CSGALNACT1: variants seen among roughly 807,000 people sequenced by gnomAD.
CSGALNACT1 encodes the protein chondroitin sulfate N-acetylgalactosaminyltransferase 1.
Under a neutral mutation model 51.0 loss-of-function variants are expected in CSGALNACT1, and 52 were observed. The ratio of observed to expected loss-of-function variants is 1.02; its 90% CI spans 0.82 to 1.29. The LOEUF (loss-of-function observed/expected upper bound fraction) is 1.29. Among genes scored for constraint, CSGALNACT1 ranks in the 50% most tolerant of loss-of-function variants. The pLI is 0.00. For synonymous variants in CSGALNACT1, 341 were observed against 254.4 expected, an observed-to-expected ratio of 1.34 and a Z score of -3.24; for missense variants, 935 against 679.2, an observed-to-expected ratio of 1.38 and a Z score of -4.19.
chr8:19,693,065 C>T (rs559395894), intron 1 of CSGALNACT1, among the ~76,000 whole-genome samples: 1 of 152,302 alleles, frequency 6.6e-6, no homozygotes, highest in African/African-American at 2.4e-5. Flanking sequence ...CAGCCTTGTG[C>T]CTATGTGCCA....
intron 3 of CSGALNACT1, among the ~76,000 whole-genome samples, chr8:19,514,510 T>TATATATAC (rs1422248108): frequency 7.5e-5 from 10 of 133,034 alleles, no homozygotes; most frequent in African/African-American, 1.1e-4. Flanking sequence ...TATATATATA[T>TATATATAC]ACATGTATCT....
chr8:19,571,562 A>C (rs2043045731), intron 3 of CSGALNACT1, among the ~76,000 whole-genome samples: 2 of 150,922 alleles, frequency 1.3e-5, no homozygotes, highest in South Asian at 2.1e-4. Context: ...ATTTATACTA[A>C]AAAGGATCTA....
intron 9 of CSGALNACT1, among the ~76,000 whole-genome samples, chr8:19,406,829 C>T (rs1266304470): frequency 6.6e-6 from 1 of 152,078 alleles, no homozygotes; most frequent in Non-Finnish European, 1.5e-5. Context: ...CTGCCTCAGC[C>T]TCCCAAGTAG....
chr8:19,432,642 C>T (rs2059807129), intron 6 of CSGALNACT1, among the ~76,000 whole-genome samples: 1 of 152,012 alleles, frequency 6.6e-6, no homozygotes, highest in African/African-American at 2.4e-5. Context: ...GAGACTGAGT[C>T]ATTGCAGTTG....
intron 9 of CSGALNACT1, 45 bp downstream of exon 8, chr8:19,408,568 G>C (rs780654928): frequency 1.3e-6 from 2 of 1,524,730 alleles, no homozygotes; most frequent in Admixed American, 1.7e-5. Context: ...GGCCTACATG[G>C]GCCCGTGGCC....
At chr8:19,438,914 T>A (rs2060834300) in intron 6 of CSGALNACT1, among the ~76,000 whole-genome samples, 1 of 152,186 alleles carries the variant, frequency 6.6e-6, no homozygotes, top group South Asian at 2.1e-4. Context: ...TCGACTATCA[T>A]CCTATTACCA....
intron 1 of CSGALNACT1, among the ~76,000 whole-genome samples, chr8:19,648,832 C>T (rs1363805023): frequency 5.9e-5 from 9 of 152,084 alleles, no homozygotes; most frequent in Admixed American, 5.2e-4. Context: ...AGAATGTGAA[C>T]ACCTTAATGT....
intron 6 of CSGALNACT1, among the ~76,000 whole-genome samples, chr8:19,423,930 G>GT: frequency 6.6e-6 from 1 of 152,278 alleles, no homozygotes; most frequent in Middle Eastern, 3.4e-3. Flanking sequence ...TCCACGCACT[G>GT]TTTCCATGTG....
intron 5 of CSGALNACT1, among the ~76,000 whole-genome samples, chr8:19,452,753 C>T (rs1360741563): frequency 1.3e-5 from 2 of 152,092 alleles, no homozygotes; most frequent in East Asian, 1.9e-4. Flanking sequence ...AAGTATGATA[C>T]CTCTACCCCT....
intron 3 of CSGALNACT1, among the ~76,000 whole-genome samples, chr8:19,551,977 A>G (rs1243134315): frequency 3.3e-5 from 5 of 152,206 alleles, no homozygotes; most frequent in Admixed American, 1.3e-4. Context: ...AAAATAGGGT[A>G]TCATTCCTTT....
At chr8:19,682,379 CTTAA>C in intron 1 of CSGALNACT1, 1 of 322,222 alleles carries the variant, frequency 3.1e-6, no homozygotes, top group Non-Finnish European at 6.2e-6. Flanking sequence ...TAGGGCTCTT[CTTAA>C]TTAGAAACAA....
At chr8:19,678,050 T>C (rs943246301) in intron 1 of CSGALNACT1, among the ~76,000 whole-genome samples, 2 of 151,968 alleles carry the variant, frequency 1.3e-5, no homozygotes, top group East Asian at 3.9e-4. Context: ...GAAGCTGCAG[T>C]GAGCAGAATC....
Position 19,570,480 on chromosome 8 carries a change from C to T in CSGALNACT1, c.-297+20680G>A, listed in dbSNP as rs998652168. ...ACCTAAAAGGAGCCATAACCTAATC[C>T]GGACACAAACAGAGAGCAAGAGGTA... On this transcript the variant is annotated intron_variant, in intron 3 of 9. Coordinates refer to ENST00000454498, the Ensembl canonical transcript of CSGALNACT1. Among the ~76,000 whole-genome samples, 6 of 152,046 alleles carry T rather than the reference C, an allele frequency of 3.9e-5. No homozygotes were observed. In the East Asian group the frequency reaches 7.7e-4, roughly 20 times the overall value.
intron 1 of CSGALNACT1, among the ~76,000 whole-genome samples, chr8:19,699,786 T>G (rs1054007518): frequency 2.0e-5 from 3 of 152,084 alleles, no homozygotes; most frequent in Non-Finnish European, 4.4e-5. Flanking sequence ...CACTGTAAAT[T>G]TTATGTTCAG....
intron 1 of CSGALNACT1, among the ~76,000 whole-genome samples, chr8:19,748,789 T>A (rs942523660): frequency 5.3e-5 from 8 of 151,944 alleles, no homozygotes; most frequent in Non-Finnish European, 2.9e-5. Context: ...ACATGGTGAA[T>A]CCTCTACTCT....
intron 6 of CSGALNACT1, among the ~76,000 whole-genome samples, chr8:19,426,303 A>G (rs1278314240): frequency 1.1e-4 from 16 of 152,170 alleles, no homozygotes; most frequent in Non-Finnish European, 1.9e-4. Context: ...CCCACCTCCA[A>G]CATCAGAAAG....
At chr8:19,672,076 C>T (rs921781180) in intron 1 of CSGALNACT1, among the ~76,000 whole-genome samples, 1 of 152,186 alleles carries the variant, frequency 6.6e-6, no homozygotes, top group Admixed American at 6.5e-5. Flanking sequence ...TGTTAAGGCT[C>T]ATGATATACT....
At chr8:19,550,513 T>C (rs2087734387) in intron 3 of CSGALNACT1, among the ~76,000 whole-genome samples, 1 of 152,130 alleles carries the variant, frequency 6.6e-6, no homozygotes, top group African/African-American at 2.4e-5. Flanking sequence ...CAATTATAGG[T>C]TTTTGAAGTT....
At chr8:19,523,220 GGT>G (rs1484017166) in intron 3 of CSGALNACT1, among the ~76,000 whole-genome samples, 2 of 152,114 alleles carry the variant, frequency 1.3e-5, no homozygotes, top group African/African-American at 2.4e-5. Context: ...CTATAGGAAA[GGT>G]GGCATGTAAG....
Sources: allele counts gnomAD v4.1 joint callset (sites outside exome capture counted in the v4.1 genomes callset), GRCh38; gene constraint gnomAD v4.1.1; transcripts MANE v1.5; gene names NCBI Gene and HGNC (gene_info 2026-07-23, HGNC 2026-07-21).